CCDC102B: variants seen among roughly 807,000 people sequenced by gnomAD.
The protein encoded by CCDC102B is coiled-coil domain-containing protein 102B.
Under a neutral mutation model 57.4 loss-of-function variants are expected in CCDC102B, and 75 were observed. That is an observed-to-expected ratio of 1.31 (90% confidence interval 1.08 to 1.58). The LOEUF (loss-of-function observed/expected upper bound fraction) is 1.58. Among genes scored for constraint, CCDC102B ranks in the 40% most tolerant of loss-of-function variants. The pLI, the probability that CCDC102B is intolerant of heterozygous loss-of-function variation, is 0.00. For missense variants in CCDC102B, 636 were observed against 582.6 expected (o/e 1.09, Z -0.94); for synonymous variants, 206 against 201.9 (o/e 1.02, Z -0.17).
At chr18:68,768,731 T>C (rs1264197078) in intron 2 of CCDC102B, among the ~76,000 whole-genome samples, 1 of 151,866 alleles carries the variant, frequency 6.6e-6, no homozygotes, top group East Asian at 1.9e-4. Flanking sequence ...ACTATATAAA[T>C]AGATATATCA....
At chr18:68,732,639 G>C (rs185360815) in intron 2 of CCDC102B, among the ~76,000 whole-genome samples, 320 of 152,196 alleles carry the variant, frequency 2.1e-3, no homozygotes, top group Middle Eastern at 3.4e-3. Context: ...GACCCACAGC[G>C]CCCGGCCTAC....
At chr18:68,871,098 G>A (rs2039222356) in intron 4 of CCDC102B, among the ~76,000 whole-genome samples, 2 of 152,132 alleles carry the variant, frequency 1.3e-5, no homozygotes, top group African/African-American at 4.8e-5. Context: ...ATGGCAAATT[G>A]CCTGGTTTAA....
Position 68,838,776 on chromosome 18 carries a change from TA to T in CCDC102B, c.678del (p.Leu226PhefsTer16). 3 of 1,614,026 alleles carry T rather than the reference TA, an allele frequency of 1.9e-6. No homozygotes were observed. Among genetic ancestry groups the T allele is most frequent in the Non-Finnish European group, 2.5e-6 (3 of 1,179,910 alleles). ...AAGCCCAATCTAGATGGTGTTGATT[TA>T]TTCAACAATGGTGGTTCTGGAAACG... ...EMKPNLDGVD[L>X]FNNGGSGNGE... On this transcript the variant is annotated frameshift_variant, in exon 3 of 8. Transcript: ENST00000360242. LOFTEE classifies it high-confidence loss of function.
At chr18:69,016,661 T>G (rs950737974) in intron 7 of CCDC102B, among the ~76,000 whole-genome samples, 1 of 152,168 alleles carries the variant, frequency 6.6e-6, no homozygotes, top group Non-Finnish European at 1.5e-5. Flanking sequence ...TTTTATATTG[T>G]TTTGTAGTAT....
chr18:68,761,170 C>T (rs894268940), intron 2 of CCDC102B, among the ~76,000 whole-genome samples: 1 of 152,060 alleles, frequency 6.6e-6, no homozygotes, highest in African/African-American at 2.4e-5. Context: ...ATACAAATGT[C>T]TAAGGCTACA....
intron 6 of CCDC102B, among the ~76,000 whole-genome samples, chr18:68,929,522 C>T (rs192042277): frequency 2.0e-5 from 3 of 152,024 alleles, no homozygotes; most frequent in Admixed American, 2.0e-4. Context: ...AAGGCAAAAA[C>T]AGGAGGCCTG....
At chr18:68,842,847 C>T (rs142326257) in intron 3 of CCDC102B, among the ~76,000 whole-genome samples, 17 of 152,210 alleles carry the variant, frequency 1.1e-4, no homozygotes, top group Non-Finnish European at 1.9e-4. Flanking sequence ...TGTCAATTTC[C>T]GCTCAAATTT....
exon 2 of CCDC102B, chr18:68,716,535 A>T (rs2032008424): frequency 6.6e-6 from 1 of 152,236 alleles, no homozygotes; most frequent in South Asian, 2.1e-4. Flanking sequence ...CAGTAAACTC[A>T]AAAACTGACA....
At chr18:68,844,885 C>T (rs762036950) in intron 3 of CCDC102B, among the ~76,000 whole-genome samples, 3 of 151,812 alleles carry the variant, frequency 2.0e-5, no homozygotes, top group Non-Finnish European at 4.4e-5. Flanking sequence ...GGATTATAAA[C>T]ATTCATATTC....
At chr18:68,836,504 T>A (rs766498356) in intron 1 of CCDC102B, among the ~76,000 whole-genome samples, 1 of 151,892 alleles carries the variant, frequency 6.6e-6, no homozygotes, top group Non-Finnish European at 1.5e-5. Flanking sequence ...TGCGCATGCC[T>A]GTAGTCCGAG....
intron 4 of CCDC102B, chr18:68,866,624 A>C: frequency 3.2e-6 from 1 of 316,476 alleles, no homozygotes; most frequent in Non-Finnish European, 6.2e-6. Flanking sequence ...TAGTCAAAAA[A>C]GAGATGGAGT....
chr18:68,852,685 C>G (rs2038185990), intron 4 of CCDC102B, among the ~76,000 whole-genome samples: 1 of 152,078 alleles, frequency 6.6e-6, no homozygotes, highest in Admixed American at 6.6e-5. Flanking sequence ...TGGAAGTATA[C>G]ACTTTATTTA....
At chr18:68,860,480 A>C (rs28619966) in intron 4 of CCDC102B, among the ~76,000 whole-genome samples, 1,674 of 126,956 alleles carry the variant, frequency 0.013, 152 homozygotes, top group African/African-American at 0.045. Context: ...AAAAACAAAA[A>C]AAAAAAAAGA....
chr18:68,910,496 C>T (rs1356952425), intron 6 of CCDC102B, among the ~76,000 whole-genome samples: 1 of 151,972 alleles, frequency 6.6e-6, no homozygotes, highest in Admixed American at 6.6e-5. Context: ...ATCACCAACC[C>T]CCTCTAAAGT....
At chr18:69,016,601 C>T (rs1352357360) in intron 7 of CCDC102B, among the ~76,000 whole-genome samples, 1 of 152,148 alleles carries the variant, frequency 6.6e-6, no homozygotes, top group Non-Finnish European at 1.5e-5. Context: ...CAATTATAGT[C>T]ACTGTTGCAA....
In CCDC102B at chr18:68,837,072, A is replaced by G. The variant is rs781655001; in HGVS notation, c.309A>G (p.Arg103=). Residue 103 remains arginine (R), a synonymous_variant, in exon 2 of 8, where the codon AGA becomes AGG. Coordinates refer to ENST00000360242, the MANE Select transcript of CCDC102B (RefSeq NM_024781.3). ...RWWSDCTANW[R]EKWSKVRAER... ...GGTCGGACTGCACTGCCAACTGGAG[A>G]GAAAAATGGAGTAAAGTTCGAGCTG... The G allele has an allele frequency of 5.0e-6, 8 of 1,614,082 alleles. No homozygotes were observed. Among genetic ancestry groups the G allele is most frequent in the Non-Finnish European group, 5.1e-6 (6 of 1,180,040 alleles).
intron 6 of CCDC102B, among the ~76,000 whole-genome samples, chr18:68,984,741 G>C (rs1031677730): frequency 2.6e-5 from 4 of 152,044 alleles, no homozygotes; most frequent in Non-Finnish European, 4.4e-5. Context: ...CACAGAGTGA[G>C]AGATAAAACT....
Position 68,719,031 on chromosome 18 carries a change from A to G in CCDC102B, c.-67+2437A>G, listed in dbSNP as rs558185180. Among the ~76,000 whole-genome samples the G allele has an allele frequency of 3.4e-3, 521 of 152,346 alleles. 5 individuals carry two copies. Among genetic ancestry groups the G allele is most frequent in the Non-Finnish European group, 4.7e-3 (320 of 68,034 alleles). ...TAAATATAGGCAGCAAAACTTAAAG[A>G]GATACAGAACAACTTTATGAAAATA... On this transcript the variant is annotated intron_variant, in intron 2 of 3. Transcript: ENST00000578970.
At chr18:68,983,179 T>A (rs933202141) in intron 6 of CCDC102B, among the ~76,000 whole-genome samples, 7 of 151,908 alleles carry the variant, frequency 4.6e-5, no homozygotes, top group African/African-American at 1.7e-4. Context: ...TTAGTATCAT[T>A]TATATAATTT....
Sources: gnomAD v4.1 joint callset for allele counts (sites outside exome capture counted in the v4.1 genomes callset) on GRCh38, gnomAD v4.1.1 for gene constraint, MANE v1.5 for transcripts, NCBI Gene and HGNC (gene_info 2026-07-23, HGNC 2026-07-21) for gene names.